Variants in ATF6 observed in about 807,000 individuals in gnomAD.
ATF6 encodes the protein cyclic AMP-dependent transcription factor ATF-6 alpha.
In ATF6, 53 loss-of-function variants were observed where a neutral mutation model predicts 83.6. The ratio of observed to expected loss-of-function variants is 0.63; its 90% CI spans 0.51 to 0.80. The LOEUF is 0.80. Ranked by LOEUF, ATF6 falls within the 30% of genes least tolerant of loss-of-function variation. The pLI, the probability that ATF6 is intolerant of heterozygous loss-of-function variation, is 0.00. For synonymous variants in ATF6, 288 were observed against 285.8 expected (o/e 1.01, Z -0.08); for missense variants, 744 against 797.9 (o/e 0.93, Z 0.81).
At chr1:161,882,157 T>C (rs1231322282) in intron 14 of ATF6, among the ~76,000 whole-genome samples, 2 of 152,162 alleles carry the variant, frequency 1.3e-5, no homozygotes, top group East Asian at 3.8e-4. Flanking sequence ...CTTAAAACAG[T>C]ATCCTATGAT....
chr1:161,922,239 A>G (rs76523207), intron 15 of ATF6, among the ~76,000 whole-genome samples: 3,284 of 152,286 alleles, frequency 0.022, 119 homozygotes, highest in African/African-American at 0.076. Context: ...AGTGTCTATC[A>G]GATGAAATCC....
intron 15 of ATF6, among the ~76,000 whole-genome samples, chr1:161,936,595 T>A (rs1399723540): frequency 6.6e-6 from 1 of 152,206 alleles, no homozygotes; most frequent in Non-Finnish European, 1.5e-5. Context: ...CTTGTTGGAG[T>A]TTGCTCGTTT....
intron 14 of ATF6, among the ~76,000 whole-genome samples, chr1:161,900,364 A>T (rs1200875477): frequency 1.3e-5 from 2 of 152,170 alleles, no homozygotes; most frequent in African/African-American, 4.8e-5. Context: ...TTTTGCTTAT[A>T]AATAATTAAC....
chr1:161,784,185 T>C (rs1303402868), intron 4 of ATF6, 89 bp downstream of exon 4: 1 of 883,270 alleles, frequency 1.1e-6, no homozygotes, highest in Admixed American at 2.0e-5. Flanking sequence ...ATTTATTGAA[T>C]ACTACTATGA....
rs1689026015 is a variant in ATF6 at position 161,959,012 on chromosome 1, C to CT, written c.*363dup. The CT allele has an allele frequency of 5.7e-6, 1 of 175,146 alleles. No homozygotes were observed. The highest frequency in any genetic ancestry group is 1.2e-5 in the Non-Finnish European group (1 of 82,786). The allele number at this position is 175,146 out of a possible 1,614,324, so 10.8% of individuals were successfully genotyped here. ...TTCTTTTAAATAATATCCACCTCTC[C>CT]TTTTTGCCATTTCACTTATTGATTC... is the stretch of plus-strand genomic sequence containing the variant. On this transcript the variant is annotated 3_prime_UTR_variant, in exon 16 of 16. Coordinates refer to ENST00000367942, the MANE Select transcript of ATF6 (RefSeq NM_007348.4).
chr1:161,769,900 C>G (rs1414157730), intron 1 of ATF6, among the ~76,000 whole-genome samples: 1 of 152,114 alleles, frequency 6.6e-6, no homozygotes, highest in Non-Finnish European at 1.5e-5. Context: ...GATGAAGCTT[C>G]GCTCACTCAC....
chr1:161,862,940 G>A (rs1051732767), intron 13 of ATF6, among the ~76,000 whole-genome samples: 1 of 152,022 alleles, frequency 6.6e-6, no homozygotes, highest in Non-Finnish European at 1.5e-5. Context: ...TACATGCTTT[G>A]CAATGTACTT....
At position 161,959,806 on chromosome 1, in the gene ATF6, T is replaced by C. The variant is rs1056687521; in HGVS notation, c.*1152T>C. 1 of 152,046 alleles carries C rather than the reference T, an allele frequency of 6.6e-6. No individual in the cohort carries two copies. Among genetic ancestry groups the C allele is most frequent in the Non-Finnish European group, 1.5e-5 (1 of 68,012 alleles). 9.4% of individuals were successfully genotyped at this position (152,046 alleles called of 1,614,324 possible). A position where few individuals can be genotyped will look rare whatever the true frequency, so the allele number is the denominator to read the frequency against. On this transcript the variant is annotated 3_prime_UTR_variant, in exon 16 of 16. Coordinates refer to ENST00000367942, the MANE Select transcript of ATF6 (RefSeq NM_007348.4). ...CACATACTTATGTTTTCTCTACTAA[T>C]CTGGTCCAGGTCCTCATGGACCACA...
At chr1:161,929,675 C>G (rs1168869490) in intron 15 of ATF6, among the ~76,000 whole-genome samples, 1 of 152,102 alleles carries the variant, frequency 6.6e-6, no homozygotes, top group African/African-American at 2.4e-5. Context: ...AGAGAAGATT[C>G]AACACAGGAG....
chr1:161,862,270 A>G (rs1446442095), intron 13 of ATF6, among the ~76,000 whole-genome samples: 1 of 152,186 alleles, frequency 6.6e-6, no homozygotes, highest in East Asian at 1.9e-4. Flanking sequence ...GGAAATTCTT[A>G]TGACTCATTT....
At chr1:161,769,107 A>G (rs1472187675) in intron 1 of ATF6, among the ~76,000 whole-genome samples, 15 of 152,220 alleles carry the variant, frequency 9.9e-5, no homozygotes, top group Admixed American at 9.2e-4. Flanking sequence ...TTGTGATTAC[A>G]TGGTCACTGT....
At chr1:161,811,469 G>C (rs770717668) in intron 7 of ATF6, among the ~76,000 whole-genome samples, 2 of 152,104 alleles carry the variant, frequency 1.3e-5, no homozygotes, top group Non-Finnish European at 2.9e-5. Context: ...CACTGCGGTT[G>C]TGTGTGTGTG....
chr1:161,820,924 AT>A (rs79406872), intron 8 of ATF6, 145 bp from the exon 9 acceptor site: 42,176 of 353,134 alleles, frequency 0.12, no homozygotes, highest in South Asian at 0.14. Context: ...CTCACCTTTG[AT>A]TTTTTTTTTT....
intron 4 of ATF6, among the ~76,000 whole-genome samples, chr1:161,785,412 A>C (rs1684721266): frequency 6.6e-6 from 1 of 152,230 alleles, no homozygotes; most frequent in South Asian, 2.1e-4. Context: ...ATTAATAATT[A>C]CAAAAGGTAG....
intron 10 of ATF6, among the ~76,000 whole-genome samples, chr1:161,851,250 AC>A (rs1166079325): frequency 1.8e-4 from 27 of 146,946 alleles, no homozygotes; most frequent in South Asian, 4.2e-4. Context: ...ACACACACAC[AC>A]ACACACACAC....
intron 15 of ATF6, among the ~76,000 whole-genome samples, chr1:161,952,582 T>C (rs1164796693): frequency 6.6e-6 from 1 of 152,150 alleles, no homozygotes; most frequent in Non-Finnish European, 1.5e-5. Context: ...TTCCGTTTTG[T>C]TTACTACTGT....
At chr1:161,934,980 T>C (rs1165214336) in intron 15 of ATF6, among the ~76,000 whole-genome samples, 3 of 152,202 alleles carry the variant, frequency 2.0e-5, no homozygotes, top group Non-Finnish European at 4.4e-5. Context: ...TCTGGTTTTA[T>C]AGGGAAATCT....
At chr1:161,846,128 T>G (rs1234889109) in intron 9 of ATF6, among the ~76,000 whole-genome samples, 1 of 152,220 alleles carries the variant, frequency 6.6e-6, no homozygotes, top group East Asian at 1.9e-4. Context: ...AAAATTTGTT[T>G]TTAGGTGTGT....
At chr1:161,786,145 C>T (rs1334723007) in intron 4 of ATF6, among the ~76,000 whole-genome samples, 14 of 151,802 alleles carry the variant, frequency 9.2e-5, no homozygotes, top group East Asian at 5.8e-4. Flanking sequence ...CCACCACACC[C>T]GGCTAATTTT....
Sources: allele counts gnomAD v4.1 joint callset (sites outside exome capture counted in the v4.1 genomes callset), GRCh38; gene constraint gnomAD v4.1.1; transcripts MANE v1.5; gene names NCBI Gene and HGNC (gene_info 2026-07-23, HGNC 2026-07-21).